Variants in ALDH9A1 observed in about 807,000 individuals in gnomAD.
The protein encoded by ALDH9A1 is aldehyde dehydrogenase 9 family member A1.
In ALDH9A1, 42 loss-of-function variants were observed where a neutral mutation model predicts 56.6. The ratio of observed to expected loss-of-function variants is 0.74; its 90% CI spans 0.58 to 0.96. The LOEUF is 0.96. Among genes scored for constraint, ALDH9A1 ranks in the 40% least tolerant of loss-of-function variants. The probability of loss-of-function intolerance (pLI) is 0.00; values close to 1 mark genes in which losing one functional copy is unlikely to be tolerated. For missense variants in ALDH9A1, 661 were observed against 651.5 expected (o/e 1.01, Z -0.16); for synonymous variants, 242 against 236.0 (o/e 1.03, Z -0.23).
chr1:165,694,955 CAAAA>C (rs538042607), intron 2 of ALDH9A1, among the ~76,000 whole-genome samples: 1 of 106,680 alleles, frequency 9.4e-6, no homozygotes. Context: ...GATTCCGTCT[CAAAA>C]AAAAAAAAAA....
At chr1:165,674,685 C>CAAAAAAA (rs36011778) in intron 6 of ALDH9A1, among the ~76,000 whole-genome samples, 5 of 115,530 alleles carry the variant, frequency 4.3e-5, no homozygotes, top group Non-Finnish European at 5.2e-5. Flanking sequence ...GACTCCGAAT[C>CAAAAAAA]AAAAAAAAAA....
At chr1:165,668,714 C>T (rs1352098072) in intron 8 of ALDH9A1, 3 of 398,872 alleles carry the variant, frequency 7.5e-6, no homozygotes, top group Non-Finnish European at 1.3e-5. Flanking sequence ...AGTTGTGGTC[C>T]TGGATAAACT....
In ALDH9A1 at chr1:165,680,486, C is replaced by T; in HGVS notation, c.789+1G>A. ...TTGACCAATACTGGTTTTGTCCTCA[C>T]CTTCATGCCAGTGGGCACACTTCCA... On this transcript the variant is annotated splice_donor_variant, in intron 5 of 10. Coordinates refer to ENST00000354775, the MANE Select transcript of ALDH9A1 (RefSeq NM_000696.4). LOFTEE classifies it high-confidence loss of function. The T allele has an allele frequency of 6.2e-7, 1 of 1,613,940 alleles. No individual in the cohort carries two copies. Among genetic ancestry groups the T allele is most frequent in the Non-Finnish European group, 8.5e-7 (1 of 1,179,978 alleles).
chr1:165,669,202 A>G, intron 7 of ALDH9A1, 60 bp downstream of exon 7: 1 of 1,470,110 alleles, frequency 6.8e-7, no homozygotes, highest in Non-Finnish European at 9.2e-7. Flanking sequence ...GGCACAAAGC[A>G]TGTGATTTAG....
chr1:165,683,106 C>T lies in ALDH9A1; in HGVS notation c.332G>A (p.Arg111Gln), dbSNP rs118096304. 4.3e-4 allele frequency: 692 copies of T among 1,613,910 alleles called. 5 individuals are homozygous for T. In the East Asian group the frequency reaches 9.4e-3, roughly 22 times the overall value. The change falls in exon 3 of 11, where the codon CGG becomes CAG. Residue 111 changes from arginine (R) to glutamine (Q), a missense_variant. Physicochemically the swap from Arg to Gln is conservative, Grantham distance 43. Coordinates refer to ENST00000354775, the MANE Select transcript of ALDH9A1 (RefSeq NM_000696.4). ...LLEAARIIRE[R>Q]EDEIATMECI... ...CTCCATAGTAGCAATTTCATCCTCC[C>T]GTTCCTTTGGGTAAAGCAGAAGACT...
chr1:165,679,119 C>T (rs572956818), intron 6 of ALDH9A1, among the ~76,000 whole-genome samples: 6 of 152,268 alleles, frequency 3.9e-5, no homozygotes, highest in African/African-American at 1.4e-4. Flanking sequence ...ACTAAGTGTA[C>T]CGTGCTTATG....
Position 165,687,965 on chromosome 1 carries a change from G to A in ALDH9A1, c.328-4855C>T, listed in dbSNP as rs186770428. On this transcript the variant is annotated intron_variant, in intron 2 of 10. Coordinates refer to ENST00000354775, the MANE Select transcript of ALDH9A1 (RefSeq NM_000696.4). Reference sequence around the variant, plus strand: ...ATCATGCCACTGTACTCCAGCCTGGGTGAGAGAGAGAGACTCCTCTCAAAA... The same window carrying A: ...ATCATGCCACTGTACTCCAGCCTGGATGAGAGAGAGAGACTCCTCTCAAAA... Among the ~76,000 whole-genome samples the A allele has an allele frequency of 2.5e-3, 384 of 151,444 alleles. 2 individuals carry two copies. Among genetic ancestry groups the A allele is most frequent in the African/African-American group, 8.9e-3 (368 of 41,242 alleles).
chr1:165,688,506 CT>C (rs1039126986), intron 2 of ALDH9A1, among the ~76,000 whole-genome samples: 1 of 152,010 alleles, frequency 6.6e-6, no homozygotes, highest in Non-Finnish European at 1.5e-5. Context: ...TACAGCAATA[CT>C]TTTTTTTAAA....
Position 165,695,323 on chromosome 1 carries a change from A to AAGC in ALDH9A1, c.253_255dup (p.Ala85dup). 6.2e-7 allele frequency: 1 copy of AAGC among 1,613,366 alleles called. No homozygotes were observed. The highest frequency in any genetic ancestry group is 8.5e-7 in the Non-Finnish European group (1 of 1,179,674). On this transcript the variant is annotated inframe_insertion, in exon 2 of 11. Coordinates refer to ENST00000354775, the MANE Select transcript of ALDH9A1 (RefSeq NM_000696.4). ...CCAGATTTTTGACTCCATATTTTAA[A>AAGC]AGCAGCCTTTGCATTTTGAACAGCC...
rs778591475 is a variant in ALDH9A1, at chr1:165,669,456, G to C, written c.931-6C>G. 1.9e-6 allele frequency: 3 copies of C among 1,594,194 alleles called. No individual in the cohort carries two copies. The African/African-American group carries it at 4.1e-5, about 22-fold the overall frequency. The stretch of plus-strand genomic sequence containing the variant: ...CTTGTGCCATTACAGCAAACCTAAA[G>C]GACAAACACAAGACATCAATTTCTA... On this transcript the variant is annotated splice_polypyrimidine_tract_variant and splice_region_variant and intron_variant, in intron 6 of 10. Coordinates refer to ENST00000354775, the MANE Select transcript of ALDH9A1 (RefSeq NM_000696.4).
Position 165,698,537 on chromosome 1 carries a change from C to T in ALDH9A1, c.22G>A (p.Ala8Thr). 1 of 1,609,266 alleles carries T rather than the reference C, an allele frequency of 6.2e-7. No individual in the cohort carries two copies. The highest frequency in any genetic ancestry group is 8.5e-7 in the Non-Finnish European group (1 of 1,178,476). ...CTGCGAAGAAGCGGGGAGAGCGCGG[C>T]CAGGCCTGCTCGGAGAAACATGAGT... is the stretch of plus-strand genomic sequence containing the variant. MFLRAGL[A>T]ALSPLLRSLR... Residue 8 changes from alanine (A) to threonine (T), a missense_variant, in exon 1 of 11, where the codon GCC becomes ACC. Coordinates refer to ENST00000354775, the MANE Select transcript of ALDH9A1 (RefSeq NM_000696.4).
chr1:165,665,761 A>C (rs923570095), intron 9 of ALDH9A1, among the ~76,000 whole-genome samples: 15 of 152,200 alleles, frequency 9.9e-5, no homozygotes, highest in Non-Finnish European at 1.9e-4. Flanking sequence ...GACAATAACA[A>C]GGGCTGGTGA....
intron 3 of ALDH9A1, 79 bp from the exon 4 acceptor site, chr1:165,682,320 T>G: frequency 6.8e-7 from 1 of 1,471,266 alleles, no homozygotes; most frequent in Non-Finnish European, 9.3e-7. Flanking sequence ...CAGTCTGACT[T>G]GTACTCCAGT....
chr1:165,696,205 T>C (rs1650078980), intron 1 of ALDH9A1, among the ~76,000 whole-genome samples: 1 of 152,142 alleles, frequency 6.6e-6, no homozygotes, highest in African/African-American at 2.4e-5. Flanking sequence ...CTGATAAAAG[T>C]TGCAGACCTC....
In ALDH9A1 at chr1:165,669,252, T is replaced by G. The variant is rs1327495456; in HGVS notation, c.1119+10A>C. ...TCCCCAACCCCACCCTACTGCCAAT[T>G]ATTTCTTACCTGCTCCTTTGCCACT... On this transcript the variant is annotated intron_variant, in intron 7 of 10. Transcript: ENST00000354775. The G allele has an allele frequency of 6.3e-7, 1 of 1,591,818 alleles. No homozygotes were observed.
chr1:165,666,707 G>A (rs12122497), intron 9 of ALDH9A1, among the ~76,000 whole-genome samples: 61,903 of 151,826 alleles, frequency 0.41, 12,900 homozygotes, highest in Middle Eastern at 0.5. Context: ...GTGTAAAGCC[G>A]CTTTAGCAAA....
chr1:165,665,814 T>C (rs994617850), intron 9 of ALDH9A1, among the ~76,000 whole-genome samples: 1 of 152,172 alleles, frequency 6.6e-6, no homozygotes, highest in Non-Finnish European at 1.5e-5. Context: ...TTCGGAGGAA[T>C]GTAAAATGGT....
At chr1:165,669,100 C>T (rs1013276978) in intron 7 of ALDH9A1, 87 bp from the exon 8 acceptor site, 3 of 1,368,886 alleles carry the variant, frequency 2.2e-6, no homozygotes, top group Admixed American at 2.0e-5. Context: ...CGAACAAACA[C>T]ATAGTCTTCC....
rs149646148 is a variant in ALDH9A1 at position 165,663,124 on chromosome 1, G to C, written c.1483C>G (p.Arg495Gly). The change falls in exon 11 of 11, where the codon CGT becomes GGT. Residue 495 changes from arginine to glycine, a missense_variant. Coordinates refer to ENST00000354775, the MANE Select transcript of ALDH9A1 (RefSeq NM_000696.4). ...TGTGAATAATATTCGATTGTCACAC[G>C]GCCGTTCTCTCTGCCAAATCCTGAA... ...KKSGFGRENG[R>G]VTIEYYSQLK... 3 of 1,613,816 alleles carry C rather than the reference G, an allele frequency of 1.9e-6. No individual in the cohort carries two copies. The African/African-American group carries it at 4.0e-5, about 22-fold the overall frequency.
Sources: allele counts gnomAD v4.1 joint callset (sites outside exome capture counted in the v4.1 genomes callset), GRCh38; gene constraint gnomAD v4.1.1; transcripts MANE v1.5; gene names NCBI Gene and HGNC (gene_info 2026-07-23, HGNC 2026-07-21).